TRPC7: variants seen among roughly 807,000 people sequenced by gnomAD.
TRPC7 encodes transient receptor potential cation channel subfamily C member 7.
In TRPC7, 42 loss-of-function variants were observed where a neutral mutation model predicts 90.1. The ratio of observed to expected loss-of-function variants is 0.47; its 90% CI spans 0.36 to 0.60. The LOEUF is 0.60. Ranked by LOEUF, TRPC7 falls within the 20% of genes least tolerant of loss-of-function variation. The pLI is 0.00. For missense variants in TRPC7, 955 were observed against 1,112.3 expected (o/e 0.86, Z 2.01); for synonymous variants, 451 against 436.3 (o/e 1.03, Z -0.42).
chr5:136,262,169 G>A (rs769240916), intron 5 of TRPC7, among the ~76,000 whole-genome samples: 19 of 152,094 alleles, frequency 1.2e-4, no homozygotes, highest in Non-Finnish European at 2.4e-4. Flanking sequence ...ACTTCTGCTC[G>A]TATCCCACAA....
At chr5:136,296,290 C>G (rs1758168450) in intron 3 of TRPC7, among the ~76,000 whole-genome samples, 1 of 152,164 alleles carries the variant, frequency 6.6e-6, no homozygotes, top group African/African-American at 2.4e-5. Context: ...TCAGTGCTTG[C>G]AAAGTGCAGA....
intron 3 of TRPC7, among the ~76,000 whole-genome samples, chr5:136,297,878 C>A (rs929125685): frequency 1.4e-4 from 21 of 152,202 alleles, no homozygotes; most frequent in African/African-American, 4.3e-4. Context: ...GTTTCCTCAA[C>A]AGCATTTAGG....
chr5:136,243,085 A>G (rs903175281), intron 7 of TRPC7, among the ~76,000 whole-genome samples: 2 of 152,180 alleles, frequency 1.3e-5, no homozygotes, highest in Non-Finnish European at 2.9e-5. Context: ...GGCTGCAGTT[A>G]GTAGAGAAGT....
Position 136,315,672 on chromosome 5 carries a change from G to C in TRPC7, c.888C>G (p.Asn296Lys), listed in dbSNP as rs752027124. ...GGTGGTGGTCGGACCAGACTTGGAA[G>C]TTCACATCACCGTTTAAAATTGCTT... ...EVEAILNGDV[N>K]FQVWSDHHRP... Residue 296 changes from asparagine to lysine, a missense_variant, in exon 3 of 12, where the codon AAC becomes AAG. Coordinates refer to ENST00000513104, the MANE Select transcript of TRPC7 (RefSeq NM_020389.3). The C allele has an allele frequency of 1.2e-6, 2 of 1,613,964 alleles. No homozygotes were observed. Among genetic ancestry groups the C allele is most frequent in the Non-Finnish European group, 8.5e-7 (1 of 1,179,886 alleles).
At chr5:136,219,476 T>C (rs998730684) in intron 10 of TRPC7, among the ~76,000 whole-genome samples, 2 of 152,120 alleles carry the variant, frequency 1.3e-5, no homozygotes, top group African/African-American at 4.8e-5. Context: ...CTTAAAGACT[T>C]CATGTCCTGC....
In TRPC7 at chr5:136,305,092, G is replaced by A. The variant is rs533003952; in HGVS notation, c.963+10505C>T. Among the ~76,000 whole-genome samples, 556 of 152,054 alleles carry A rather than the reference G, an allele frequency of 3.7e-3. 2 individuals carry two copies. Among genetic ancestry groups the A allele is most frequent in the African/African-American group, 0.011 (468 of 41,434 alleles). ...CTGACGCATATACTTTCTGCTCCCCGGCTCCTTCAGCTGTACTCACTCTTT... is the reference window on the plus strand; with the variant it reads ...CTGACGCATATACTTTCTGCTCCCCAGCTCCTTCAGCTGTACTCACTCTTT... On this transcript the variant is annotated intron_variant, in intron 3 of 11. Coordinates refer to ENST00000513104, the MANE Select transcript of TRPC7 (RefSeq NM_020389.3).
chr5:136,301,924 A>G (rs1209127821), intron 3 of TRPC7, among the ~76,000 whole-genome samples: 1 of 152,178 alleles, frequency 6.6e-6, no homozygotes, highest in Non-Finnish European at 1.5e-5. Context: ...AGATCCACCT[A>G]CGACCTCAGG....
intron 2 of TRPC7, among the ~76,000 whole-genome samples, chr5:136,320,195 C>T (rs1211924579): frequency 6.6e-6 from 1 of 152,096 alleles, no homozygotes; most frequent in African/African-American, 2.4e-5. Context: ...TTGATTGCTA[C>T]CTTCCTTTCA....
intron 3 of TRPC7, among the ~76,000 whole-genome samples, chr5:136,304,814 C>T (rs1324030820): frequency 6.6e-6 from 1 of 152,174 alleles, no homozygotes; most frequent in Non-Finnish European, 1.5e-5. Flanking sequence ...AACCTCAATC[C>T]CTTACAAAAC....
chr5:136,298,418 G>A (rs1029882041), intron 3 of TRPC7, among the ~76,000 whole-genome samples: 1 of 152,186 alleles, frequency 6.6e-6, no homozygotes, highest in Non-Finnish European at 1.5e-5. Context: ...CACTTTGTAG[G>A]CCATTGTTAA....
chr5:136,335,747 C>CA (rs1259141947), intron 2 of TRPC7, among the ~76,000 whole-genome samples: 2 of 151,058 alleles, frequency 1.3e-5, no homozygotes, highest in African/African-American at 2.4e-5. Flanking sequence ...ACTAAAAATA[C>CA]AAAAAAATTA....
At chr5:136,317,300 C>T (rs2149839898) in intron 2 of TRPC7, among the ~76,000 whole-genome samples, 1 of 152,124 alleles carries the variant, frequency 6.6e-6, no homozygotes, top group African/African-American at 2.4e-5. Flanking sequence ...CTAACACTCA[C>T]CCATCTGCCA....
chr5:136,250,480 CT>C (rs538784084), intron 6 of TRPC7, among the ~76,000 whole-genome samples: 490 of 152,322 alleles, frequency 3.2e-3, no homozygotes, highest in Non-Finnish European at 4.5e-3. Context: ...TGTCCAGCTG[CT>C]TTTTACTGTT....
intron 3 of TRPC7, among the ~76,000 whole-genome samples, chr5:136,290,596 G>C (rs1757908142): frequency 6.6e-6 from 1 of 152,162 alleles, no homozygotes; most frequent in Admixed American, 6.5e-5. Flanking sequence ...AGAGAAAAAA[G>C]AATAAAAAGA....
chr5:136,318,541 C>T (rs1759098309), intron 2 of TRPC7, among the ~76,000 whole-genome samples: 1 of 152,194 alleles, frequency 6.6e-6, no homozygotes, highest in Non-Finnish European at 1.5e-5. Context: ...ACATCAGTCT[C>T]CCAACATGAC....
intron 3 of TRPC7, among the ~76,000 whole-genome samples, chr5:136,297,297 G>T (rs540651620): frequency 9.4e-4 from 143 of 152,296 alleles, no homozygotes; most frequent in African/African-American, 3.3e-3. Flanking sequence ...ATTGTCCACA[G>T]ATGTAGCTGA....
chr5:136,245,175 A>C (rs1303625534), intron 7 of TRPC7, among the ~76,000 whole-genome samples: 1 of 152,218 alleles, frequency 6.6e-6, no homozygotes, highest in Non-Finnish European at 1.5e-5. Flanking sequence ...GCTCAGACTG[A>C]AACCTAGTCT....
At chr5:136,339,409 C>T (rs1759773936) in intron 2 of TRPC7, among the ~76,000 whole-genome samples, 1 of 152,176 alleles carries the variant, frequency 6.6e-6, no homozygotes, top group Non-Finnish European at 1.5e-5. Context: ...TCTAACCAGT[C>T]ATTGTTTTAT....
At chr5:136,290,406 G>A (rs575456669) in intron 3 of TRPC7, among the ~76,000 whole-genome samples, 3 of 152,268 alleles carry the variant, frequency 2.0e-5, no homozygotes, top group Admixed American at 6.5e-5. Context: ...AAAATCAGAC[G>A]AATGGATAAC....
Sources: allele counts gnomAD v4.1 joint callset (sites outside exome capture counted in the v4.1 genomes callset), GRCh38; gene constraint gnomAD v4.1.1; transcripts MANE v1.5; gene names NCBI Gene and HGNC (gene_info 2026-07-23, HGNC 2026-07-21).